NRSN1: variants seen among roughly 807,000 people sequenced by gnomAD.
NRSN1 encodes neurensin 1.
Under a neutral mutation model 17.3 loss-of-function variants are expected in NRSN1, and 14 were observed. The ratio of observed to expected loss-of-function variants is 0.81; its 90% CI spans 0.54 to 1.27. NRSN1 has a LOEUF of 1.27. Ranked by LOEUF, NRSN1 falls within the 50% of genes most tolerant of loss-of-function variation. NRSN1 has a pLI of 0.00. For missense variants in NRSN1, 209 were observed against 235.9 expected, an observed-to-expected ratio of 0.89 and a Z score of 0.75; for synonymous variants, 79 against 94.2, an observed-to-expected ratio of 0.84 and a Z score of 0.93.
chr6:24,140,462 T>C (rs12196541), intron 3 of NRSN1, among the ~76,000 whole-genome samples: 19,155 of 152,196 alleles, frequency 0.13, 1,285 homozygotes, highest in Admixed American at 0.17. Flanking sequence ...AGTGTCAAGC[T>C]GAGGCAAGCA....
At chr6:24,129,210 T>C (rs1213279103) in intron 2 of NRSN1, 1 of 152,230 alleles carries the variant, frequency 6.6e-6, no homozygotes, top group Non-Finnish European at 1.5e-5. Context: ...TTTTGTTATG[T>C]TTATTGCTTC....
At position 24,146,005 on chromosome 6, in the gene NRSN1, C is replaced by G; in HGVS notation, c.*59C>G. The G allele has an allele frequency of 6.6e-7, 1 of 1,524,034 alleles. No homozygotes were observed. Among genetic ancestry groups the G allele is most frequent in the East Asian group, 2.3e-5 (1 of 44,316 alleles). The allele number at this position is 1,524,034 out of a possible 1,614,324, so 94.4% of individuals were successfully genotyped here. A position where few individuals can be genotyped will look rare whatever the true frequency, so the allele number is the denominator to read the frequency against. On this transcript the variant is annotated 3_prime_UTR_variant, in exon 4 of 4. Transcript: ENST00000378491. ...TATGCCCGTGGTTAAAAAGAGCAGG[C>G]CAGTTTTCGAGATAAAGAAGATTTG...
chr6:24,133,531 G>C (rs148475379), intron 2 of NRSN1, among the ~76,000 whole-genome samples: 2 of 152,258 alleles, frequency 1.3e-5, no homozygotes, highest in East Asian at 3.9e-4. Flanking sequence ...AAAAATCTGA[G>C]AGGACAGTCT....
At chr6:24,138,218 T>C (rs1307325360) in intron 3 of NRSN1, among the ~76,000 whole-genome samples, 1 of 152,094 alleles carries the variant, frequency 6.6e-6, no homozygotes, top group African/African-American at 2.4e-5. Flanking sequence ...CCGCACACTT[T>C]CTCTGTGCTT....
chr6:24,141,804 G>A (rs184293693), intron 3 of NRSN1, among the ~76,000 whole-genome samples: 21 of 152,290 alleles, frequency 1.4e-4, no homozygotes, highest in Non-Finnish European at 2.8e-4. Flanking sequence ...GTTTAAGTTA[G>A]GCAGGCAGGA....
At chr6:24,131,503 CTA>C (rs1454192926) in intron 2 of NRSN1, among the ~76,000 whole-genome samples, 1 of 152,038 alleles carries the variant, frequency 6.6e-6, no homozygotes, top group African/African-American at 2.4e-5. Context: ...GTGGTTCTGA[CTA>C]TGCAAGTATA....
At position 24,146,119 on chromosome 6, in the gene NRSN1, C is replaced by T. The variant is rs1164030602; in HGVS notation, c.*173C>T. On this transcript the variant is annotated 3_prime_UTR_variant, in exon 4 of 4. Coordinates refer to ENST00000378491, the MANE Select transcript of NRSN1 (RefSeq NM_080723.5). Reference sequence around the variant, plus strand: ...CAGTTCAGGCAGCTCTGCTGGAGGGCGGTGCCATGCCTAAGCCTGTGCACA... The same window carrying T: ...CAGTTCAGGCAGCTCTGCTGGAGGGTGGTGCCATGCCTAAGCCTGTGCACA... 3 of 752,460 alleles carry T rather than the reference C, an allele frequency of 4.0e-6. No individual in the cohort carries two copies. Among genetic ancestry groups the T allele is most frequent in the African/African-American group, 1.7e-5 (1 of 58,046 alleles). The allele number at this position is 752,460 out of a possible 1,614,324, so 46.6% of individuals were successfully genotyped here.
chr6:24,135,131 AG>A (rs1433488046), intron 3 of NRSN1, among the ~76,000 whole-genome samples: 1 of 152,204 alleles, frequency 6.6e-6, no homozygotes, highest in Non-Finnish European at 1.5e-5. Flanking sequence ...GGAAAGAAAA[AG>A]TGACTTCCCT....
intron 3 of NRSN1, chr6:24,141,112 C>G (rs1032143421): frequency 4.4e-5 from 59 of 1,347,066 alleles, no homozygotes; most frequent in Non-Finnish European, 5.3e-5. Context: ...GAGGACCCTT[C>G]CAAAGCATTC....
intron 3 of NRSN1, among the ~76,000 whole-genome samples, chr6:24,142,742 GACCC>G (rs748611608): frequency 1.3e-5 from 2 of 152,198 alleles, no homozygotes; most frequent in Non-Finnish European, 2.9e-5. Flanking sequence ...TGAGGCCGCA[GACCC>G]TGGCAGTGAG....
chr6:24,135,595 G>A (rs866764336), intron 3 of NRSN1, among the ~76,000 whole-genome samples: 1 of 152,224 alleles, frequency 6.6e-6, no homozygotes, highest in South Asian at 2.1e-4. Context: ...GGGTGTTAAA[G>A]TACCCAGGCA....
At chr6:24,142,607 G>A (rs1406415809) in intron 3 of NRSN1, among the ~76,000 whole-genome samples, 1 of 152,078 alleles carries the variant, frequency 6.6e-6, no homozygotes, top group African/African-American at 2.4e-5. Context: ...TTACTGGCAT[G>A]CCCCACCATG....
chr6:24,132,193 T>C (rs1396494500), intron 2 of NRSN1, among the ~76,000 whole-genome samples: 1 of 152,208 alleles, frequency 6.6e-6, no homozygotes, highest in Non-Finnish European at 1.5e-5. Flanking sequence ...CATGTGTAGC[T>C]AAGGGCACAT....
chr6:24,146,187 AC>A lies in NRSN1; in HGVS notation c.*243del. ...GATGGGTGCTTCCTTGTACCCGGCC[AC>A]CAGAAAACCCCTGGAACTCCTCTTT... is the stretch of plus-strand genomic sequence containing the variant. On this transcript the variant is annotated 3_prime_UTR_variant, in exon 4 of 4. Transcript: ENST00000378491. The A allele has an allele frequency of 1.4e-6, 1 of 696,982 alleles. No homozygotes were observed. The highest frequency in any genetic ancestry group is 2.7e-6 in the Non-Finnish European group (1 of 372,472). The allele number at this position is 696,982 out of a possible 1,614,324, so 43.2% of individuals were successfully genotyped here.
Position 24,146,346 on chromosome 6 carries a change from G to C in NRSN1, c.*400G>C, listed in dbSNP as rs75308688. 9.1e-5 allele frequency: 43 copies of C among 474,236 alleles called. No individual in the cohort carries two copies. In the East Asian group the frequency reaches 2.7e-3, roughly 30 times the overall value. 29.4% of individuals were successfully genotyped at this position (474,236 alleles called of 1,614,324 possible). ...TATCTAATGTTTTCTGCGTGGTGCT[G>C]TCTTCCATTCCTGTCTCACTATGTG... On this transcript the variant is annotated 3_prime_UTR_variant, in exon 4 of 4. Transcript: ENST00000378491.
chr6:24,141,981 G>C (rs1760211970), intron 3 of NRSN1, among the ~76,000 whole-genome samples: 1 of 152,134 alleles, frequency 6.6e-6, no homozygotes, highest in Non-Finnish European at 1.5e-5. Flanking sequence ...TAGTGACATA[G>C]GAAGCATGTC....
Position 24,146,384 on chromosome 6 carries a change from A to G in NRSN1, c.*438A>G. ...GTCTCACTATGTGTAAGATTTTGTC[A>G]TATGTGTTCATAGAAACATGGAATT... On this transcript the variant is annotated 3_prime_UTR_variant, in exon 4 of 4. Transcript: ENST00000378491. The G allele has an allele frequency of 2.4e-6, 1 of 416,120 alleles. No homozygotes were observed. The highest frequency in any genetic ancestry group is 4.9e-6 in the Non-Finnish European group (1 of 202,038). The allele number at this position is 416,120 out of a possible 1,614,324, so 25.8% of individuals were successfully genotyped here.
Position 24,146,097 on chromosome 6 carries a change from T to C in NRSN1, c.*151T>C. The C allele has an allele frequency of 1.2e-6, 1 of 828,718 alleles. No individual in the cohort carries two copies. The allele number at this position is 828,718 out of a possible 1,614,324, so 51.3% of individuals were successfully genotyped here. On this transcript the variant is annotated 3_prime_UTR_variant, in exon 4 of 4. Transcript: ENST00000378491. ...AATGGGTGGACTCACACTTGCTCAG[T>C]TCAGGCAGCTCTGCTGGAGGGCGGT...
chr6:24,140,527 C>G (rs6903321), intron 3 of NRSN1, among the ~76,000 whole-genome samples: 2,164 of 152,306 alleles, frequency 0.014, 54 homozygotes, highest in African/African-American at 0.048. Flanking sequence ...CCGCTCAGAG[C>G]TCAGGAGAGG....
Sources: gnomAD v4.1 joint callset for allele counts (sites outside exome capture counted in the v4.1 genomes callset) on GRCh38, gnomAD v4.1.1 for gene constraint, MANE v1.5 for transcripts, NCBI Gene and HGNC (gene_info 2026-07-23, HGNC 2026-07-21) for gene names.